Variants in ST6GALNAC5 observed in about 807,000 individuals in gnomAD.
ST6GALNAC5 encodes alpha-N-acetylgalactosaminide alpha-2,6-sialyltransferase 5.
ST6GALNAC5 carries 27 observed loss-of-function variants against 33.6 expected under a neutral mutation model. The observed-to-expected ratio is 0.80, with a 90% CI of 0.59 to 1.11. ST6GALNAC5 has a LOEUF of 1.11. Ranked by LOEUF, ST6GALNAC5 falls within the 50% of genes least tolerant of loss-of-function variation. The pLI is 0.00. For missense variants in ST6GALNAC5, 428 were observed against 454.0 expected, an observed-to-expected ratio of 0.94 and a Z score of 0.52; for synonymous variants, 194 against 171.2, an observed-to-expected ratio of 1.13 and a Z score of -1.04.
At chr1:76,901,956 C>T (rs1465208549) in intron 2 of ST6GALNAC5, among the ~76,000 whole-genome samples, 2 of 152,080 alleles carry the variant, frequency 1.3e-5, no homozygotes, top group Non-Finnish European at 2.9e-5. Flanking sequence ...TATCACTTTC[C>T]TCTTAATTCC....
intron 2 of ST6GALNAC5, among the ~76,000 whole-genome samples, chr1:76,922,748 G>A (rs1041154918): frequency 3.3e-5 from 5 of 151,868 alleles, no homozygotes; most frequent in Non-Finnish European, 4.4e-5. Flanking sequence ...AAACCAGCCT[G>A]GGCAACATGG....
chr1:77,026,389 T>G (rs533552866), intron 2 of ST6GALNAC5, among the ~76,000 whole-genome samples: 1 of 152,300 alleles, frequency 6.6e-6, no homozygotes, highest in Non-Finnish European at 1.5e-5. Context: ...TAAAATTGCC[T>G]TCTAAAAGGC....
At chr1:76,983,557 T>TA (rs1252572101) in intron 2 of ST6GALNAC5, among the ~76,000 whole-genome samples, 1 of 152,016 alleles carries the variant, frequency 6.6e-6, no homozygotes, top group African/African-American at 2.4e-5. Context: ...TCCCACACAA[T>TA]AATAATGGGA....
At chr1:77,044,637 T>G (rs776191722) in intron 3 of ST6GALNAC5, 24 bp downstream of exon 3, 9 of 1,522,310 alleles carry the variant, frequency 5.9e-6, no homozygotes, top group Middle Eastern at 1.8e-4. Context: ...GGGAAGAAGA[T>G]GCAGGGGAGG....
chr1:76,975,424 G>T (rs758763914), intron 2 of ST6GALNAC5, among the ~76,000 whole-genome samples: 4 of 152,238 alleles, frequency 2.6e-5, no homozygotes, highest in Admixed American at 6.5e-5. Flanking sequence ...ACTGCACTTG[G>T]TGAGAGTGAT....
chr1:77,045,266 G>T (rs1651969816), intron 3 of ST6GALNAC5, among the ~76,000 whole-genome samples: 1 of 152,186 alleles, frequency 6.6e-6, no homozygotes, highest in South Asian at 2.1e-4. Flanking sequence ...TGGGAAGAAT[G>T]GGATAAAATG....
chr1:76,952,543 A>C (rs1647791337), intron 2 of ST6GALNAC5, among the ~76,000 whole-genome samples: 1 of 152,072 alleles, frequency 6.6e-6, no homozygotes, highest in Non-Finnish European at 1.5e-5. Flanking sequence ...TAGAATGAAG[A>C]TATTGAATGG....
At chr1:76,937,489 A>T (rs1647222229) in intron 2 of ST6GALNAC5, among the ~76,000 whole-genome samples, 1 of 152,060 alleles carries the variant, frequency 6.6e-6, no homozygotes, top group Non-Finnish European at 1.5e-5. Context: ...TTACTGGAAG[A>T]TGGTGTAAGG....
chr1:77,049,655 TA>T (rs1428545833), intron 3 of ST6GALNAC5, among the ~76,000 whole-genome samples: 1 of 152,328 alleles, frequency 6.6e-6, no homozygotes, highest in East Asian at 1.9e-4. Context: ...CAGTTAAATA[TA>T]AGCATTCCTG....
intron 2 of ST6GALNAC5, among the ~76,000 whole-genome samples, chr1:76,877,814 C>G (rs1348181469): frequency 6.6e-6 from 1 of 152,226 alleles, no homozygotes; most frequent in Non-Finnish European, 1.5e-5. Flanking sequence ...TGATATGCCC[C>G]TGAGGCAGGA....
At chr1:77,052,883 C>T (rs1029380902) in intron 4 of ST6GALNAC5, among the ~76,000 whole-genome samples, 22 of 148,990 alleles carry the variant, frequency 1.5e-4, no homozygotes, top group Admixed American at 2.7e-4. Flanking sequence ...ATTCCACTGC[C>T]CTCCAGCCGG....
In ST6GALNAC5 at chr1:77,030,110, AT is replaced by A. The variant is rs1416995501; in HGVS notation, c.262-14091del. Among the ~76,000 whole-genome samples, 6 of 152,172 alleles carry A rather than the reference AT, an allele frequency of 3.9e-5. No homozygotes were observed. In the East Asian group the frequency reaches 5.8e-4, roughly 15 times the overall value. On this transcript the variant is annotated intron_variant, in intron 2 of 4. Transcript: ENST00000477717. ...TCACTGTGTATTCTCAATACCTCCCATTTCTATGTTTCTCTGCTTTCTGATT... is the reference window on the plus strand; with the variant it reads ...TCACTGTGTATTCTCAATACCTCCCATTCTATGTTTCTCTGCTTTCTGATT...
chr1:77,047,266 T>C (rs1408492326), intron 3 of ST6GALNAC5, among the ~76,000 whole-genome samples: 1 of 152,232 alleles, frequency 6.6e-6, no homozygotes, highest in African/African-American at 2.4e-5. Context: ...ATTCTTTACC[T>C]GTAGCCTGCT....
chr1:76,987,152 G>A (rs774072936), intron 2 of ST6GALNAC5, among the ~76,000 whole-genome samples: 100 of 151,932 alleles, frequency 6.6e-4, no homozygotes, highest in Non-Finnish European at 8.1e-4. Context: ...ATGTACCCTA[G>A]AACTTAAAGT....
chr1:77,019,708 T>C (rs1327796415), intron 2 of ST6GALNAC5, among the ~76,000 whole-genome samples: 1 of 152,240 alleles, frequency 6.6e-6, no homozygotes, highest in East Asian at 1.9e-4. Flanking sequence ...TCTTGCCCAG[T>C]TGCAATTGAA....
chr1:76,915,649 C>T (rs1646963705), intron 2 of ST6GALNAC5, among the ~76,000 whole-genome samples: 1 of 146,582 alleles, frequency 6.8e-6, no homozygotes, highest in African/African-American at 2.6e-5. Flanking sequence ...ACAATGAGAA[C>T]ACATGGACAC....
chr1:76,944,479 C>T (rs1647442396), intron 2 of ST6GALNAC5, among the ~76,000 whole-genome samples: 1 of 151,526 alleles, frequency 6.6e-6, no homozygotes, highest in Admixed American at 6.6e-5. Context: ...TTTTTTAATC[C>T]CCCTAATTAT....
intron 2 of ST6GALNAC5, among the ~76,000 whole-genome samples, chr1:76,948,339 T>C (rs1385138498): frequency 1.3e-5 from 2 of 152,164 alleles, no homozygotes; most frequent in African/African-American, 2.4e-5. Flanking sequence ...TCTAGCTCCC[T>C]TAAGCTCATC....
chr1:77,045,083 T>G (rs1222362905), intron 3 of ST6GALNAC5, among the ~76,000 whole-genome samples: 1 of 152,166 alleles, frequency 6.6e-6, no homozygotes, highest in South Asian at 2.1e-4. Context: ...TATAAAGCCT[T>G]GGACACTTAC....
Sources: gnomAD v4.1 joint callset for allele counts (sites outside exome capture counted in the v4.1 genomes callset) on GRCh38, gnomAD v4.1.1 for gene constraint, MANE v1.5 for transcripts, NCBI Gene and HGNC (gene_info 2026-07-23, HGNC 2026-07-21) for gene names.